Variants in GABBR2 observed in about 807,000 individuals in gnomAD.
GABBR2 encodes the protein gamma-aminobutyric acid type B receptor subunit 2.
GABBR2 carries 23 observed loss-of-function variants against 105.6 expected under a neutral mutation model. The ratio of observed to expected loss-of-function variants is 0.22; its 90% confidence interval spans 0.16 to 0.31. The LOEUF is 0.31. GABBR2 is among the 10% of genes least tolerant of loss of function. The probability of loss-of-function intolerance (pLI) is 1.00; values close to 1 mark genes in which losing one functional copy is unlikely to be tolerated. For synonymous variants in GABBR2, 478 were observed against 499.7 expected (o/e 0.96, Z 0.58); for missense variants, 734 against 1,245.5 (o/e 0.59, Z 6.18).
In GABBR2 at chr9:98,629,391, G is replaced by A. The variant is rs542440603; in HGVS notation, c.322-51319C>T. 3.3e-5 allele frequency among the ~76,000 whole-genome samples: 5 copies of A among 152,304 alleles called. No homozygotes were observed. The East Asian group carries it at 9.7e-4, about 29-fold the overall frequency. On this transcript the variant is annotated intron_variant, in intron 1 of 18. Transcript: ENST00000259455. ...GATTCTAATCATTCAGCCTAAGCAAGCACATTTGCTGCTGGGAGCTCCTTA... is the reference window on the plus strand; with the variant it reads ...GATTCTAATCATTCAGCCTAAGCAAACACATTTGCTGCTGGGAGCTCCTTA...
intron 13 of GABBR2, among the ~76,000 whole-genome samples, chr9:98,343,801 T>A (rs980206539): frequency 4.0e-5 from 6 of 151,798 alleles, no homozygotes; most frequent in African/African-American, 1.5e-4. Context: ...GAGCTTGCAG[T>A]GAGCCGAGAT....
intron 1 of GABBR2, among the ~76,000 whole-genome samples, chr9:98,682,257 C>G (rs761969096): frequency 6.7e-6 from 1 of 149,310 alleles, no homozygotes; most frequent in African/African-American, 2.5e-5. Flanking sequence ...AAAAAAAAAC[C>G]CAAAACAAAC....
At chr9:98,494,516 G>A (rs1167224256) in intron 4 of GABBR2, among the ~76,000 whole-genome samples, 1 of 152,170 alleles carries the variant, frequency 6.6e-6, no homozygotes, top group Non-Finnish European at 1.5e-5. Flanking sequence ...TACGTGCAGA[G>A]CAGTGGAGAA....
At chr9:98,695,590 A>G (rs541703437) in intron 1 of GABBR2, among the ~76,000 whole-genome samples, 1 of 152,374 alleles carries the variant, frequency 6.6e-6, no homozygotes, top group African/African-American at 2.4e-5. Context: ...ATGCTGCTAC[A>G]CAGCATTTCA....
intron 7 of GABBR2, among the ~76,000 whole-genome samples, chr9:98,418,535 AAACAAC>A (rs142145341): frequency 1.3e-5 from 2 of 150,578 alleles, no homozygotes; most frequent in East Asian, 2.0e-4. Context: ...ACCCTGTCTC[AAACAAC>A]AACAACAACA....
rs561370386 is a variant in GABBR2 at position 98,470,076 on chromosome 9, C to T, written c.999+3070G>A. On this transcript the variant is annotated intron_variant, in intron 6 of 18. Coordinates refer to ENST00000259455, the MANE Select transcript of GABBR2 (RefSeq NM_005458.8). The stretch of plus-strand genomic sequence containing the variant: ...CTTTATTCAACTCTGGGCCCCACAC[C>T]CTCTAGAGAGAATGTTCAACAAAGG... Among the ~76,000 whole-genome samples, 6 of 152,270 alleles carry T rather than the reference C, an allele frequency of 3.9e-5. No individual in the cohort carries two copies. In the South Asian group the frequency reaches 8.3e-4, roughly 21 times the overall value.
chr9:98,536,517 A>G (rs537035412), intron 3 of GABBR2, among the ~76,000 whole-genome samples: 21 of 152,136 alleles, frequency 1.4e-4, no homozygotes, highest in African/African-American at 5.1e-4. Context: ...CTTTCTAGGC[A>G]TCCCCTGCCC....
At chr9:98,430,946 T>C (rs73655447) in intron 7 of GABBR2, among the ~76,000 whole-genome samples, 2,661 of 151,942 alleles carry the variant, frequency 0.018, 92 homozygotes, top group African/African-American at 0.061. Flanking sequence ...GTTTTTTTTT[T>C]TTCTTTAACT....
chr9:98,290,281 T>TG lies in GABBR2; in HGVS notation c.*302_*303insC, dbSNP rs1564003536. Reference sequence around the variant, plus strand: ...GTCTAGTTTTTTTGTTTTTTTTTTTTTTTTTTTTTTTTTGCAAGTTTGATA... The same window carrying TG: ...GTCTAGTTTTTTTGTTTTTTTTTTTTGTTTTTTTTTTTTTGCAAGTTTGATA... On this transcript the variant is annotated 3_prime_UTR_variant, in exon 19 of 19. Transcript: ENST00000259455. 72 of 154,868 alleles carry TG rather than the reference T, an allele frequency of 4.6e-4. No homozygotes were observed. The highest frequency in any genetic ancestry group is 4.3e-3 in the African/African-American group (67 of 15,616). 9.6% of individuals were successfully genotyped at this position (154,868 alleles called of 1,614,324 possible).
At chr9:98,341,192 A>T (rs189734042) in intron 13 of GABBR2, among the ~76,000 whole-genome samples, 38 of 152,342 alleles carry the variant, frequency 2.5e-4, no homozygotes, top group African/African-American at 8.4e-4. Flanking sequence ...TCCACACAAG[A>T]TGTTCCAGAA....
chr9:98,640,867 C>T (rs900522222), intron 1 of GABBR2, among the ~76,000 whole-genome samples: 3 of 152,116 alleles, frequency 2.0e-5, no homozygotes, highest in African/African-American at 7.2e-5. Flanking sequence ...AGGTCTGATG[C>T]ATGGAATGTG....
intron 12 of GABBR2, among the ~76,000 whole-genome samples, chr9:98,366,460 C>T (rs905327668): frequency 6.6e-6 from 1 of 152,186 alleles, no homozygotes; most frequent in African/African-American, 2.4e-5. Context: ...TCTATGAAAG[C>T]AAAGTTGAGT....
chr9:98,385,309 C>T (rs889839645), intron 11 of GABBR2, among the ~76,000 whole-genome samples: 1 of 152,166 alleles, frequency 6.6e-6, no homozygotes, highest in African/African-American at 2.4e-5. Flanking sequence ...CTCAAGCAAT[C>T]CTCCCTCCTC....
Position 98,563,375 on chromosome 9 carries a change from A to G in GABBR2, c.459+14560T>C, listed in dbSNP as rs560909669. 2.0e-4 allele frequency among the ~76,000 whole-genome samples: 30 copies of G among 152,300 alleles called. No individual in the cohort carries two copies. The South Asian group carries it at 6.0e-3, about 31-fold the overall frequency. ...CTATCAGGCAAGACTGCACTGAAGG[A>G]GGAAGTGAGCATGCTGTGGGCAGCG... On this transcript the variant is annotated intron_variant, in intron 2 of 18. Transcript: ENST00000259455.
At chr9:98,605,269 T>C (rs1380788653) in intron 1 of GABBR2, among the ~76,000 whole-genome samples, 1 of 152,190 alleles carries the variant, frequency 6.6e-6, no homozygotes, top group Non-Finnish European at 1.5e-5. Flanking sequence ...CCCCAGAGCT[T>C]GGAGGCAACA....
chr9:98,456,532 G>A (rs1483041082), intron 6 of GABBR2, among the ~76,000 whole-genome samples: 2 of 152,150 alleles, frequency 1.3e-5, no homozygotes, highest in East Asian at 1.9e-4. Context: ...CCATGAGGTC[G>A]GAGATGTGAT....
At position 98,298,297 on chromosome 9, in the gene GABBR2, A is replaced by C. The variant is rs544388354; in HGVS notation, c.2542+927T>G. Among the ~76,000 whole-genome samples, 9 of 152,292 alleles carry C rather than the reference A, an allele frequency of 5.9e-5. No individual in the cohort carries two copies. The South Asian group carries it at 1.0e-3, about 18-fold the overall frequency. ...CCCACCTCACTTTTTAATAGCTATA[A>C]AATGTGCCATGTTTTGCTATATCTT... On this transcript the variant is annotated intron_variant, in intron 17 of 18. Transcript: ENST00000259455.
At chr9:98,487,133 T>C (rs1038510251) in intron 4 of GABBR2, among the ~76,000 whole-genome samples, 2 of 152,204 alleles carry the variant, frequency 1.3e-5, no homozygotes, top group African/African-American at 2.4e-5. Flanking sequence ...TAATAATATA[T>C]CTATGTCGTA....
At chr9:98,359,178 A>G (rs950577404) in intron 13 of GABBR2, among the ~76,000 whole-genome samples, 1 of 152,216 alleles carries the variant, frequency 6.6e-6, no homozygotes, top group Non-Finnish European at 1.5e-5. Flanking sequence ...CTATAATCCC[A>G]GCACTTTGGG....
Sources: gnomAD v4.1 joint callset for allele counts (sites outside exome capture counted in the v4.1 genomes callset) on GRCh38, gnomAD v4.1.1 for gene constraint, MANE v1.5 for transcripts, NCBI Gene and HGNC (gene_info 2026-07-23, HGNC 2026-07-21) for gene names.